TUG1: variants seen among roughly 807,000 people sequenced by gnomAD.
TUG1 encodes the protein taurine up-regulated 1.
At chr22:30,973,151 C>G (rs1350205166) in exon 2 of TUG1, 1 of 152,650 alleles carries the variant, frequency 6.6e-6, no homozygotes, top group African/African-American at 2.4e-5. Context: ...CAACAAAGGC[C>G]TAGTTTGTTC....
exon 1 of TUG1, chr22:30,970,291 G>A (rs1361309741): frequency 6.6e-6 from 1 of 152,252 alleles, no homozygotes; most frequent in Non-Finnish European, 1.5e-5. Flanking sequence ...TCATGCTACA[G>A]AGAGGAAACT....
intron 2 of TUG1, chr22:30,974,466 A>G (rs1047762023): frequency 1.3e-5 from 2 of 152,172 alleles, no homozygotes; most frequent in African/African-American, 4.8e-5. Context: ...AATGGAATGC[A>G]GAAACTGCTC....
intron 1 of TUG1, chr22:30,972,265 T>A (rs1456715848): frequency 6.6e-6 from 1 of 152,228 alleles, no homozygotes; most frequent in Non-Finnish European, 1.5e-5. Context: ...GTTTTAATGT[T>A]TTTTAATTCT....
exon 3 of TUG1, chr22:30,979,001 G>A (rs1477015792): frequency 6.6e-6 from 1 of 151,940 alleles, no homozygotes; most frequent in Admixed American, 6.6e-5. Flanking sequence ...CAGGAACTGA[G>A]GGAATATTTA....
chr22:30,969,875 G>A (rs2041205968), exon 1 of TUG1: 2 of 152,286 alleles, frequency 1.3e-5, no homozygotes. Flanking sequence ...TCCGGAGTCG[G>A]AAGAGCTGGG....
At chr22:30,974,580 T>G (rs549183790) in intron 2 of TUG1, 1 of 152,320 alleles carries the variant, frequency 6.6e-6, no homozygotes, top group South Asian at 2.1e-4. Context: ...TTCTTATTAA[T>G]GGTTGAATTA....
exon 3 of TUG1, chr22:30,977,061 A>G (rs1602534204): frequency 6.6e-6 from 1 of 152,232 alleles, no homozygotes; most frequent in Non-Finnish European, 1.5e-5. Context: ...ATTGATCTAT[A>G]CTGCCATTCC....
At chr22:30,975,563 C>G (rs1477867820) in exon 3 of TUG1, 7 of 152,186 alleles carry the variant, frequency 4.6e-5, no homozygotes, top group Non-Finnish European at 7.3e-5. Context: ...TCTTTGACCC[C>G]AGGAATGATC....
At chr22:30,971,548 G>A (rs1220229723) in exon 1 of TUG1, 1 of 152,722 alleles carries the variant, frequency 6.5e-6, no homozygotes, top group African/African-American at 2.4e-5. Flanking sequence ...CAGATTTCCA[G>A]ATTTTCAAGA....
chr22:30,978,254 G>A (rs894393051), exon 3 of TUG1: 5 of 152,176 alleles, frequency 3.3e-5, no homozygotes, highest in African/African-American at 1.2e-4. Context: ...TCCAACATAT[G>A]CTATTGGACA....
At chr22:30,969,336 G>A (rs555377395) in exon 1 of TUG1, 2 of 152,642 alleles carry the variant, frequency 1.3e-5, no homozygotes, top group South Asian at 2.1e-4. Flanking sequence ...CGGGGAGTCA[G>A]GCCCCTAAAT....
chr22:30,977,471 A>G (rs532853993), exon 3 of TUG1: 1 of 152,328 alleles, frequency 6.6e-6, no homozygotes, highest in Non-Finnish European at 1.5e-5. Context: ...CTGAGCTGAA[A>G]GTTCTTTGGC....
At chr22:30,974,425 CAGAA>C (rs1294186343) in intron 2 of TUG1, 1 of 151,404 alleles carries the variant, frequency 6.6e-6, no homozygotes, top group African/African-American at 2.4e-5. Flanking sequence ...TAATCAAACA[CAGAA>C]GGATATTTTT....
exon 3 of TUG1, chr22:30,978,353 A>G (rs1187237215): frequency 6.6e-6 from 1 of 152,202 alleles, no homozygotes; most frequent in African/African-American, 2.4e-5. Flanking sequence ...TACTTTTATA[A>G]CCAAGGAAGA....
rs549033809 is a variant in TUG1, at chr22:30,976,163, T to G, written c.*3688T>G. 4.6e-5 allele frequency: 7 copies of G among 152,282 alleles called. No homozygotes were observed. In the East Asian group the frequency reaches 1.2e-3, roughly 25 times the overall value. The allele number at this position is 152,282 out of a possible 1,614,324, so 9.4% of individuals were successfully genotyped here. A position where few individuals can be genotyped will look rare whatever the true frequency, so the allele number is the denominator to read the frequency against. ...TGACTATTCAGCTCACTTTAACAGT[T>G]GAACTTCAAGCGACAATCTTTGAAC... On this transcript the variant is annotated 3_prime_UTR_variant, in exon 3 of 3. Transcript: ENST00000644773.
At chr22:30,971,270 A>G (rs2041227243) in exon 1 of TUG1, 1 of 152,148 alleles carries the variant, frequency 6.6e-6, no homozygotes, top group African/African-American at 2.4e-5. Flanking sequence ...AGATAATCTC[A>G]CTTCCAGAGA....
chr22:30,975,910 C>G (rs2041282773), exon 3 of TUG1: 1 of 151,142 alleles, frequency 6.6e-6, no homozygotes, highest in Non-Finnish European at 1.5e-5. Context: ...AATTCAAATA[C>G]TGGCAACATT....
At chr22:30,972,888 G>A (rs1397718272) in exon 2 of TUG1, 1 of 153,488 alleles carries the variant, frequency 6.5e-6, no homozygotes, top group African/African-American at 2.4e-5. Flanking sequence ...TGTTCACCTG[G>A]ACCTTCTGAC....
At chr22:30,976,490 A>C (rs1314208894) in exon 3 of TUG1, 1 of 152,220 alleles carries the variant, frequency 6.6e-6, no homozygotes, top group Non-Finnish European at 1.5e-5. Context: ...GGTAGACTTA[A>C]GAGCTTTTGT....
Sources: allele counts gnomAD v4.1 joint callset, GRCh38; gene constraint gnomAD v4.1.1; transcripts MANE v1.5; gene names NCBI Gene and HGNC (gene_info 2026-07-23, HGNC 2026-07-21).